Variants in PTCD1 observed in about 807,000 individuals in gnomAD.
PTCD1 encodes the protein pentatricopeptide repeat domain 1.
A neutral mutation model predicts 53.4 loss-of-function variants in PTCD1; 50 were observed. That is an observed-to-expected ratio of 0.94 (90% CI 0.75 to 1.19). The LOEUF is 1.19. Among genes scored for constraint, PTCD1 ranks in the 50% most tolerant of loss-of-function variants. The probability of loss-of-function intolerance (pLI) is 0.00; values close to 1 mark genes in which losing one functional copy is unlikely to be tolerated. For synonymous variants in PTCD1, 413 were observed against 394.8 expected (o/e 1.05, Z -0.55); for missense variants, 918 against 904.8 (o/e 1.01, Z -0.19).
At position 99,417,090 on chromosome 7, in the gene PTCD1, G is replaced by C; in HGVS notation, c.*2877C>G. ...CTTTTTTTTTTTGAGATGGAGTTTC[G>C]CTGTCACCCAGGCTGGAGTCCAGTG... On this transcript the variant is annotated 3_prime_UTR_variant, in exon 8 of 8. Transcript: ENST00000292478. The C allele has an allele frequency of 9.7e-6, 2 of 207,010 alleles. No individual in the cohort carries two copies. Among genetic ancestry groups the C allele is most frequent in the South Asian group, 6.4e-5 (1 of 15,672 alleles). 12.8% of individuals were successfully genotyped at this position (207,010 alleles called of 1,614,324 possible).
In PTCD1 at chr7:99,419,943, C is replaced by T. The variant is rs1393626729; in HGVS notation, c.*24G>A. 3.1e-6 allele frequency: 5 copies of T among 1,613,928 alleles called. No homozygotes were observed. The highest frequency in any genetic ancestry group is 4.2e-6 in the Non-Finnish European group (5 of 1,180,010). On this transcript the variant is annotated 3_prime_UTR_variant, in exon 8 of 8. Coordinates refer to ENST00000292478, the MANE Select transcript of PTCD1 (RefSeq NM_015545.4). ...CTCCCACAGAGCACTGGGGGCCGAGCACATTGTTCCAGCTGTGCTCCCATC... is the reference window on the plus strand; with the variant it reads ...CTCCCACAGAGCACTGGGGGCCGAGTACATTGTTCCAGCTGTGCTCCCATC...
chr7:99,438,266 G>GC (rs962921988), intron 1 of PTCD1, among the ~76,000 whole-genome samples: 13 of 38,212 alleles, frequency 3.4e-4, no homozygotes, highest in African/African-American at 1.3e-3. Context: ...CCCGCCACCC[G>GC]CCCCCCCAAC....
chr7:99,427,790 G>C (rs1436852313), intron 5 of PTCD1, among the ~76,000 whole-genome samples: 2 of 150,394 alleles, frequency 1.3e-5, no homozygotes, highest in African/African-American at 4.9e-5. Context: ...GGATCCTGTT[G>C]ATCTGTGACC....
intron 4 of PTCD1, 59 bp downstream of exon 4, chr7:99,429,529 G>A: frequency 6.2e-7 from 1 of 1,611,244 alleles, no homozygotes; most frequent in Non-Finnish European, 8.5e-7. Context: ...CCACAGCCCT[G>A]CCCCTGACAC....
rs758848789 is a variant in PTCD1, at chr7:99,435,010, G to A, written c.233C>T (p.Thr78Met). The change falls in exon 2 of 8, where the codon ACG (threonine) becomes ATG (methionine). Residue 78 changes from threonine (T) to methionine (M), a missense_variant. By Grantham distance (81) the Thr-to-Met change is moderately conservative. Coordinates refer to ENST00000292478, the MANE Select transcript of PTCD1 (RefSeq NM_015545.4). ...SDPSHSNSTATQEEDEEEEES... is the reference protein window; with the variant it reads ...SDPSHSNSTAMQEEDEEEEES... ...CTCCTCCTCCTCGTCTTCTTCCTGC[G>A]TGGCCGTGGAGTTGGAGTGGCTCGG... The A allele has an allele frequency of 1.7e-5, 28 of 1,613,980 alleles. No individual in the cohort carries two copies. The highest frequency in any genetic ancestry group is 3.3e-5 in the Admixed American group (2 of 60,004).
At position 99,419,979 on chromosome 7, in the gene PTCD1, A is replaced by G. The variant is rs146460719; in HGVS notation, c.2091T>C (p.Leu697=). 6.5e-3 allele frequency: 10,518 copies of G among 1,614,212 alleles called. 49 individuals are homozygous for G. Among genetic ancestry groups the G allele is most frequent in the Non-Finnish European group, 7.3e-3 (8,563 of 1,180,028 alleles). ...TGKEADDGCA[L]GGR ...AGCTGTGCTCCCATCACCTGCCCCC[A>G]AGGGCACATCCGTCATCAGCCTCCT... The change falls in exon 8 of 8, where the codon CTT becomes CTC. Residue 697 remains leucine, a synonymous_variant. Coordinates refer to ENST00000292478, the MANE Select transcript of PTCD1 (RefSeq NM_015545.4).
chr7:99,434,720 G>A (rs1796392842), intron 2 of PTCD1, 70 bp downstream of exon 2: 1 of 1,595,850 alleles, frequency 6.3e-7, no homozygotes, highest in Non-Finnish European at 8.6e-7. Context: ...AAAGTCAGGT[G>A]ACCCCTTGCA....
Position 99,419,333 on chromosome 7 carries a change from A to G in PTCD1, c.*634T>C. On this transcript the variant is annotated 3_prime_UTR_variant, in exon 8 of 8. Coordinates refer to ENST00000292478, the MANE Select transcript of PTCD1 (RefSeq NM_015545.4). ...TCGTGGGAGGGTTGCCACATATGTG[A>G]GTGTGCAGGGGCGAGCGTGGCGCAG... The G allele has an allele frequency of 6.3e-7, 1 of 1,593,842 alleles. No homozygotes were observed. The highest frequency in any genetic ancestry group is 8.6e-7 in the Non-Finnish European group (1 of 1,165,164).
intron 7 of PTCD1, 33 bp downstream of exon 7, chr7:99,423,742 G>A: frequency 5.0e-6 from 8 of 1,612,896 alleles, no homozygotes; most frequent in Non-Finnish European, 6.8e-6. Context: ...AATGGTGAAG[G>A]AGCTGATGAG....
At chr7:99,433,550 T>G in intron 2 of PTCD1, 132 bp from the exon 3 acceptor site, 1 of 1,550,596 alleles carries the variant, frequency 6.4e-7, no homozygotes, top group East Asian at 2.3e-5. Flanking sequence ...GCAAACCCCC[T>G]GGGCCCCCAG....
At position 99,417,407 on chromosome 7, in the gene PTCD1, T is replaced by A. The variant is rs182825113; in HGVS notation, c.*2560A>T. Reference sequence around the variant, plus strand: ...AGGTTTTTAGACCATGGCCTGATGCTCTTTCCCCATCTTTTTGACAGAACT... The same window carrying A: ...AGGTTTTTAGACCATGGCCTGATGCACTTTCCCCATCTTTTTGACAGAACT... On this transcript the variant is annotated 3_prime_UTR_variant, in exon 8 of 8. Transcript: ENST00000292478. The A allele has an allele frequency of 1.3e-4, 210 of 1,612,186 alleles. No individual in the cohort carries two copies. The Middle Eastern group carries it at 2.0e-3, about 15-fold the overall frequency.
At chr7:99,431,717 G>T (rs556013530) in intron 3 of PTCD1, among the ~76,000 whole-genome samples, 1 of 152,224 alleles carries the variant, frequency 6.6e-6, no homozygotes, top group African/African-American at 2.4e-5. Context: ...CTCCAGCCTG[G>T]GCGACAGAGC....
In PTCD1 at chr7:99,423,983, C is replaced by A; in HGVS notation, c.1738-26G>T. On this transcript the variant is annotated intron_variant, in intron 6 of 7. Transcript: ENST00000292478. ...CTAGAACACAGGGACATCGTAGAAT[C>A]AAGATGATGGCAGCCATTGGGACCC... The A allele has an allele frequency of 1.9e-6, 3 of 1,611,446 alleles. No individual in the cohort carries two copies. The South Asian group carries it at 3.3e-5, about 18-fold the overall frequency.
rs139956151 is a variant in PTCD1, at chr7:99,424,919, C to T, written c.1613G>A (p.Gly538Glu). 6.9e-5 allele frequency: 111 copies of T among 1,614,152 alleles called. No homozygotes were observed. Among genetic ancestry groups the T allele is most frequent in the Middle Eastern group, 4.9e-4 (3 of 6,084 alleles). Residue 538 changes from glycine (G) to glutamate (E), a missense_variant, in exon 6 of 8, where the codon GGG becomes GAG. Gly to Glu is a moderately conservative substitution (Grantham distance 98). Transcript: ENST00000292478. ...RKKSKLGDLE[G>E]AKALLPVLAK... ...CAGGACCGGCAACAGCGCCTTGGCCCCCTCCAGGTCTCCCAGCTTGCTCTT... is the reference window on the plus strand; with the variant it reads ...CAGGACCGGCAACAGCGCCTTGGCCTCCTCCAGGTCTCCCAGCTTGCTCTT...
chr7:99,421,459 A>C (rs960922453), intron 7 of PTCD1, among the ~76,000 whole-genome samples: 1 of 149,154 alleles, frequency 6.7e-6, no homozygotes, highest in African/African-American at 2.5e-5. Context: ...AAAAAAGAAA[A>C]TGCGGCACGG....
chr7:99,422,778 C>G (rs1337682261), intron 7 of PTCD1, among the ~76,000 whole-genome samples: 2 of 152,152 alleles, frequency 1.3e-5, no homozygotes, highest in Non-Finnish European at 2.9e-5. Flanking sequence ...AGTAAAGAAC[C>G]AGGCAACATG....
rs1399778210 is a variant in PTCD1 at position 99,429,742 on chromosome 7, T to C, written c.659A>G (p.Glu220Gly). 6.2e-7 allele frequency: 1 copy of C among 1,614,214 alleles called. No individual in the cohort carries two copies. Among genetic ancestry groups the C allele is most frequent in the Non-Finnish European group, 8.5e-7 (1 of 1,180,040 alleles). Reference sequence around the variant, plus strand: ...TAGAGCTGAGTCCTTCCAGGGGGACTCGGCACAGACGTTGAACAGGGCCGT... The same window carrying C: ...TAGAGCTGAGTCCTTCCAGGGGGACCCGGCACAGACGTTGAACAGGGCCGT... ...TYTALFNVCA[E>G]SPWKDSALQS... Residue 220 changes from glutamate (E) to glycine (G), a missense_variant, in exon 4 of 8, where the codon GAG becomes GGG. Glu to Gly is a moderately conservative substitution (Grantham distance 98). Coordinates refer to ENST00000292478, the MANE Select transcript of PTCD1 (RefSeq NM_015545.4).
chr7:99,435,818 C>T (rs1796444382), intron 1 of PTCD1, among the ~76,000 whole-genome samples: 1 of 151,226 alleles, frequency 6.6e-6, no homozygotes, highest in Admixed American at 6.6e-5. Context: ...ACGTCTAATC[C>T]CAGCTACTGA....
At position 99,420,695 on chromosome 7, in the gene PTCD1, G is replaced by A. The variant is rs190241722; in HGVS notation, c.1921-546C>T. ...GGTTTGGCCGGGTGCGGTGGCTCAC[G>A]TCTGTAATCCCAGCACTTTGAGAGG... is the stretch of plus-strand genomic sequence containing the variant. On this transcript the variant is annotated intron_variant, in intron 7 of 7. Transcript: ENST00000292478. Among the ~76,000 whole-genome samples the A allele has an allele frequency of 6.4e-3, 970 of 152,340 alleles. 3 individuals carry two copies. Among genetic ancestry groups the A allele is most frequent in the Non-Finnish European group, 9.0e-3 (614 of 68,040 alleles).
Sources: allele counts gnomAD v4.1 joint callset (sites outside exome capture counted in the v4.1 genomes callset), GRCh38; gene constraint gnomAD v4.1.1; transcripts MANE v1.5; gene names NCBI Gene and HGNC (gene_info 2026-07-23, HGNC 2026-07-21).